Variants in PHF21A observed in about 807,000 individuals in gnomAD.
The protein encoded by PHF21A is BHC80a.
PHF21A carries 11 observed loss-of-function variants against 82.5 expected under a neutral mutation model. The ratio of observed to expected loss-of-function variants is 0.13; its 90% CI spans 0.08 to 0.22. The LOEUF (loss-of-function observed/expected upper bound fraction) is 0.22, where lower values mean the gene tolerates loss of function less well. Ranked by LOEUF, PHF21A falls within the 10% of genes least tolerant of loss-of-function variation. The probability of loss-of-function intolerance (pLI) is 1.00; values close to 1 mark genes in which losing one functional copy is unlikely to be tolerated. For missense variants in PHF21A, 579 were observed against 837.8 expected (o/e 0.69, Z 3.81); for synonymous variants, 297 against 302.8 (o/e 0.98, Z 0.20).
At chr11:46,036,023 C>A (rs1452034631) in intron 6 of PHF21A, among the ~76,000 whole-genome samples, 1 of 152,152 alleles carries the variant, frequency 6.6e-6, no homozygotes, top group Non-Finnish European at 1.5e-5. Context: ...CAAAAAGAAA[C>A]TCTTTAAATA....
At chr11:46,115,716 T>A (rs1465964005) in intron 1 of PHF21A, among the ~76,000 whole-genome samples, 1 of 152,168 alleles carries the variant, frequency 6.6e-6, no homozygotes, top group Non-Finnish European at 1.5e-5. Context: ...GTTCTAGATA[T>A]AGATATAAAA....
intron 6 of PHF21A, among the ~76,000 whole-genome samples, chr11:46,060,411 C>A (rs1195075389): frequency 6.6e-6 from 1 of 152,014 alleles, no homozygotes; most frequent in Non-Finnish European, 1.5e-5. Context: ...GAAAAAAAGG[C>A]AAGAAACAAG....
intron 1 of PHF21A, among the ~76,000 whole-genome samples, chr11:46,111,915 A>G (rs895489569): frequency 6.6e-6 from 1 of 152,224 alleles, no homozygotes; most frequent in Non-Finnish European, 1.5e-5. Context: ...GCTTCTAAAC[A>G]CAACAGAATT....
At chr11:46,108,320 AT>A (rs933274551) in intron 1 of PHF21A, among the ~76,000 whole-genome samples, 26 of 151,274 alleles carry the variant, frequency 1.7e-4, no homozygotes, top group East Asian at 3.9e-4. Flanking sequence ...TTTTAAACTG[AT>A]TTTTTTTTAA....
rs1037480337 is a variant in PHF21A at position 45,931,193 on chromosome 11, A to G, written c.*2775T>C. 5.3e-4 allele frequency: 81 copies of G among 152,404 alleles called. No individual in the cohort carries two copies. Among genetic ancestry groups the G allele is most frequent in the African/African-American group, 1.9e-3 (81 of 41,578 alleles). 9.4% of individuals were successfully genotyped at this position (152,404 alleles called of 1,614,324 possible). ...AATTCCTAGCCCCGTCCTCCGACCC[A>G]AGACTCCTAAGGCAGCTCCTCTCTG... On this transcript the variant is annotated 3_prime_UTR_variant, in exon 19 of 19. Coordinates refer to ENST00000676320, the MANE Select transcript of PHF21A (RefSeq NM_001352027.3).
chr11:45,965,685 A>G (rs891030068), intron 9 of PHF21A, 77 bp from the exon 10 acceptor site: 2 of 1,080,412 alleles, frequency 1.9e-6, no homozygotes, highest in Non-Finnish European at 2.6e-6. Flanking sequence ...TCCACACTCT[A>G]TGTATGAAAT....
chr11:46,059,511 G>A (rs1022170041), intron 6 of PHF21A, among the ~76,000 whole-genome samples: 80 of 152,020 alleles, frequency 5.3e-4, no homozygotes, highest in African/African-American at 1.8e-3. Context: ...CTGTAACCTC[G>A]AATTCCTGGG....
chr11:45,958,441 T>TACAC (rs1362721796), intron 10 of PHF21A, among the ~76,000 whole-genome samples: 1 of 34,884 alleles, frequency 2.9e-5, no homozygotes, highest in African/African-American at 9.5e-5. Context: ...TATATATATA[T>TACAC]ATATATATAC....
rs1451027658 is a variant in PHF21A at position 45,933,010 on chromosome 11, C to CA, written c.*957dup. 2 of 152,598 alleles carry CA rather than the reference C, an allele frequency of 1.3e-5. No homozygotes were observed. The highest frequency in any genetic ancestry group is 2.9e-5 in the Non-Finnish European group (2 of 68,032). 9.5% of individuals were successfully genotyped at this position (152,598 alleles called of 1,614,324 possible). On this transcript the variant is annotated 3_prime_UTR_variant, in exon 19 of 19. Transcript: ENST00000676320. ...TAAAGAAAGAGAAAAGAAACGTCTC[C>CA]ATTCAATTCACACACACCTGGGTCG...
intron 15 of PHF21A, among the ~76,000 whole-genome samples, chr11:45,942,988 TG>T (rs755967510): frequency 1.3e-5 from 2 of 152,182 alleles, no homozygotes. Context: ...CCAAAAACTT[TG>T]GTTTTCTCCT....
chr11:45,973,325 A>T (rs1429491370), intron 7 of PHF21A, among the ~76,000 whole-genome samples: 4 of 152,230 alleles, frequency 2.6e-5, no homozygotes, highest in Admixed American at 2.0e-4. Flanking sequence ...ACATCTGGAC[A>T]ACTTCCCTTA....
At chr11:45,942,070 C>A (rs1031967897) in intron 15 of PHF21A, among the ~76,000 whole-genome samples, 4 of 152,076 alleles carry the variant, frequency 2.6e-5, no homozygotes, top group Admixed American at 1.3e-4. Context: ...CATACAGAGA[C>A]CTGTGTGTTG....
intron 6 of PHF21A, among the ~76,000 whole-genome samples, chr11:46,059,179 G>A (rs574857070): frequency 4.0e-4 from 61 of 151,956 alleles, no homozygotes; most frequent in African/African-American, 1.3e-3. Flanking sequence ...AAATATTTAC[G>A]TCCAAGGATG....
intron 10 of PHF21A, among the ~76,000 whole-genome samples, chr11:45,957,693 C>T (rs1049123856): frequency 7.2e-6 from 1 of 139,346 alleles, no homozygotes; most frequent in Non-Finnish European, 1.5e-5. Context: ...GAAGAAAGAG[C>T]TCAAATCAAT....
At chr11:45,990,364 T>C (rs993977979) in intron 6 of PHF21A, among the ~76,000 whole-genome samples, 1 of 145,238 alleles carries the variant, frequency 6.9e-6, no homozygotes, top group African/African-American at 2.5e-5. Context: ...CCTCAAGTGA[T>C]CCTCCCACCT....
chr11:46,102,887 G>T (rs894327576), intron 1 of PHF21A, among the ~76,000 whole-genome samples: 53 of 152,186 alleles, frequency 3.5e-4, no homozygotes, highest in African/African-American at 1.3e-3. Flanking sequence ...AATTACAACA[G>T]TGTTTTGTTT....
chr11:46,033,867 T>C (rs1210882557), intron 6 of PHF21A, among the ~76,000 whole-genome samples: 3 of 152,254 alleles, frequency 2.0e-5, no homozygotes, highest in Non-Finnish European at 4.4e-5. Context: ...ACAGTGCTGC[T>C]CTAGAGTATA....
intron 6 of PHF21A, among the ~76,000 whole-genome samples, chr11:46,023,468 A>C (rs1013621414): frequency 6.6e-6 from 1 of 152,188 alleles, no homozygotes; most frequent in Non-Finnish European, 1.5e-5. Context: ...AAGAAAGAAG[A>C]CTGCTCTCTT....
chr11:45,934,969 T>C (rs1826634393), intron 18 of PHF21A: 1 of 485,342 alleles, frequency 2.1e-6, no homozygotes. Context: ...CACCACCTGG[T>C]ATCCATGAGG....
Sources: gnomAD v4.1 joint callset for allele counts (sites outside exome capture counted in the v4.1 genomes callset) on GRCh38, gnomAD v4.1.1 for gene constraint, MANE v1.5 for transcripts, NCBI Gene and HGNC (gene_info 2026-07-23, HGNC 2026-07-21) for gene names.